Variants in LRRTM4 observed in about 807,000 individuals in gnomAD.
LRRTM4 encodes the protein leucine-rich repeat transmembrane neuronal protein 4.
A neutral mutation model predicts 47.6 loss-of-function variants in LRRTM4; 25 were observed. The ratio of observed to expected loss-of-function variants is 0.53; its 90% CI spans 0.38 to 0.73. LRRTM4 has a LOEUF of 0.73. LRRTM4 is among the 30% of genes least tolerant of loss of function. The probability of loss-of-function intolerance (pLI) is 0.00; values close to 1 mark genes in which losing one functional copy is unlikely to be tolerated. For missense variants in LRRTM4, 638 were observed against 713.4 expected (o/e 0.89, Z 1.20); for synonymous variants, 311 against 269.5 (o/e 1.15, Z -1.51).
At chr2:77,404,295 C>T (rs1674079586) in intron 3 of LRRTM4, among the ~76,000 whole-genome samples, 2 of 152,146 alleles carry the variant, frequency 1.3e-5, no homozygotes, top group South Asian at 4.1e-4. Flanking sequence ...GGAAAAAGCA[C>T]ACTCTTCTGT....
intron 3 of LRRTM4, among the ~76,000 whole-genome samples, chr2:77,294,401 T>C (rs1311612215): frequency 1.3e-5 from 2 of 152,148 alleles, no homozygotes; most frequent in African/African-American, 4.8e-5. Context: ...ATAGTAAGAA[T>C]GCATGCATTT....
chr2:76,769,310 A>G (rs1352486122), intron 3 of LRRTM4, among the ~76,000 whole-genome samples: 1 of 152,126 alleles, frequency 6.6e-6, no homozygotes, highest in Non-Finnish European at 1.5e-5. Context: ...TCTTATTCCC[A>G]ATCACATGTA....
At chr2:77,464,882 G>C (rs1422504111) in intron 3 of LRRTM4, among the ~76,000 whole-genome samples, 1 of 152,138 alleles carries the variant, frequency 6.6e-6, no homozygotes, top group Non-Finnish European at 1.5e-5. Context: ...CCAGGTGTGT[G>C]TTATGTAAAC....
chr2:76,940,269 GA>G (rs1261550062), intron 3 of LRRTM4, among the ~76,000 whole-genome samples: 1 of 152,150 alleles, frequency 6.6e-6, no homozygotes, highest in African/African-American at 2.4e-5. Flanking sequence ...GATGGATGAA[GA>G]AAATGTGGTA....
At chr2:77,116,518 A>G (rs1671393528) in intron 3 of LRRTM4, among the ~76,000 whole-genome samples, 1 of 152,074 alleles carries the variant, frequency 6.6e-6, no homozygotes. Flanking sequence ...TTAGCAAACT[A>G]ATATTTTAGA....
chr2:77,437,774 A>G (rs528798582), intron 3 of LRRTM4, among the ~76,000 whole-genome samples: 9 of 152,172 alleles, frequency 5.9e-5, no homozygotes, highest in African/African-American at 1.9e-4. Context: ...TCCTTTTTGA[A>G]TGTTTTTCTC....
intron 3 of LRRTM4, among the ~76,000 whole-genome samples, chr2:76,993,447 A>C (rs1465939305): frequency 6.6e-6 from 1 of 151,924 alleles, no homozygotes; most frequent in African/African-American, 2.4e-5. Flanking sequence ...ATTGGCAATG[A>C]AAATGAACAG....
intron 3 of LRRTM4, among the ~76,000 whole-genome samples, chr2:77,516,093 T>G (rs1679198475): frequency 1.3e-5 from 2 of 151,818 alleles, no homozygotes; most frequent in South Asian, 2.1e-4. Context: ...ATGTCCATGT[T>G]TGAGGGCACA....
chr2:76,874,536 T>C (rs933971878), intron 3 of LRRTM4, among the ~76,000 whole-genome samples: 3 of 152,068 alleles, frequency 2.0e-5, no homozygotes, highest in Admixed American at 6.5e-5. Context: ...TTTATGCTGA[T>C]TAAATATTGA....
chr2:76,796,019 C>G (rs373600336), intron 3 of LRRTM4, among the ~76,000 whole-genome samples: 20,621 of 112,806 alleles, frequency 0.18, 3,345 homozygotes, highest in East Asian at 0.37. Context: ...CAAGGGGTCA[C>G]GGAGTTCCCT....
At chr2:76,870,800 T>G (rs980825226) in intron 3 of LRRTM4, among the ~76,000 whole-genome samples, 7 of 152,234 alleles carry the variant, frequency 4.6e-5, no homozygotes, top group Non-Finnish European at 8.8e-5. Flanking sequence ...TGCAACCCTA[T>G]GCTTATCATA....
intron 3 of LRRTM4, among the ~76,000 whole-genome samples, chr2:77,246,672 T>C (rs1338728492): frequency 1.3e-5 from 2 of 151,904 alleles, no homozygotes; most frequent in African/African-American, 4.8e-5. Context: ...CCAGCTGAAA[T>C]TCCCTGCCTA....
At chr2:76,785,640 G>A (rs570400031) in intron 3 of LRRTM4, among the ~76,000 whole-genome samples, 1 of 152,228 alleles carries the variant, frequency 6.6e-6, no homozygotes, top group East Asian at 1.9e-4. Context: ...AGTAGGGTAA[G>A]TAGCTAGATA....
chr2:77,421,702 A>G (rs2456248), intron 3 of LRRTM4, among the ~76,000 whole-genome samples: 150,757 of 151,628 alleles, frequency 0.99, 74,950 homozygotes, highest in Middle Eastern at 1. Flanking sequence ...GGGAGACTCC[A>G]TCTCAAAAAA....
At chr2:77,427,540 ACT>A (rs1675171581) in intron 3 of LRRTM4, among the ~76,000 whole-genome samples, 1 of 151,992 alleles carries the variant, frequency 6.6e-6, no homozygotes, top group East Asian at 1.9e-4. Flanking sequence ...CACAGAGAAA[ACT>A]CTCATTTATT....
intron 3 of LRRTM4, among the ~76,000 whole-genome samples, chr2:76,868,361 G>C (rs190922767): frequency 6.6e-6 from 1 of 152,006 alleles, no homozygotes; most frequent in Admixed American, 6.6e-5. Context: ...ATCTCTCTGC[G>C]GACATAAGTT....
chr2:76,931,665 T>C (rs1202878536), intron 3 of LRRTM4, among the ~76,000 whole-genome samples: 2 of 152,202 alleles, frequency 1.3e-5, no homozygotes. Context: ...TGGATCTAAC[T>C]GCCTTTACAG....
chr2:76,791,388 C>G (rs1674961776), intron 3 of LRRTM4, among the ~76,000 whole-genome samples: 1 of 152,044 alleles, frequency 6.6e-6, no homozygotes, highest in Non-Finnish European at 1.5e-5. Context: ...GGCATTTTGA[C>G]TATAAAATTA....
chr2:77,483,304 C>T (rs1380769616), intron 3 of LRRTM4, among the ~76,000 whole-genome samples: 1 of 151,788 alleles, frequency 6.6e-6, no homozygotes, highest in Non-Finnish European at 1.5e-5. Context: ...GGAAGACAAC[C>T]AAGTTTAGAA....
Sources: allele counts gnomAD v4.1 joint callset (sites outside exome capture counted in the v4.1 genomes callset), GRCh38; gene constraint gnomAD v4.1.1; transcripts MANE v1.5; gene names NCBI Gene and HGNC (gene_info 2026-07-23, HGNC 2026-07-21).